Variants in COBL observed in about 807,000 individuals in gnomAD.
COBL encodes the protein cordon-bleu WH2 repeat protein.
A neutral mutation model predicts 98.8 loss-of-function variants in COBL; 51 were observed. The observed-to-expected ratio is 0.52, with a 90% CI of 0.41 to 0.65. The LOEUF (loss-of-function observed/expected upper bound fraction) is 0.65, where lower values mean the gene tolerates loss of function less well. Ranked by LOEUF, COBL falls within the 30% of genes least tolerant of loss-of-function variation. COBL has a pLI of 0.00. For synonymous variants in COBL, 634 were observed against 651.7 expected, an observed-to-expected ratio of 0.97 and a Z score of 0.41; for missense variants, 1,617 against 1,617.5, an observed-to-expected ratio of 1.00 and a Z score of 0.01.
chr7:51,204,832 A>C (rs370337334), intron 2 of COBL, among the ~76,000 whole-genome samples: 10 of 152,238 alleles, frequency 6.6e-5, no homozygotes, highest in African/African-American at 2.4e-4. Context: ...TACAGGTGTG[A>C]GCCACCACAC....
intron 8 of COBL, chr7:51,035,007 A>G (rs1345456607): frequency 6.6e-6 from 1 of 152,240 alleles, no homozygotes; most frequent in African/African-American, 2.4e-5. Context: ...AATATGAGGG[A>G]CACAGCTCAG....
intron 7 of COBL, among the ~76,000 whole-genome samples, chr7:51,065,869 T>C (rs1791871817): frequency 6.6e-6 from 1 of 152,200 alleles, no homozygotes; most frequent in Non-Finnish European, 1.5e-5. Context: ...ACAGGACTGG[T>C]GTCCTTATAA....
intron 6 of COBL, among the ~76,000 whole-genome samples, chr7:51,111,690 G>A (rs986851660): frequency 3.9e-5 from 6 of 152,176 alleles, no homozygotes; most frequent in Non-Finnish European, 8.8e-5. Context: ...GCCCCTGCAT[G>A]CTCCTTGACT....
In COBL at chr7:51,029,496, C is replaced by T. The variant is rs146340138; in HGVS notation, c.1600G>A (p.Gly534Ser). Residue 534 changes from glycine (G) to serine (S), a missense_variant, in exon 10 of 13, where the codon GGC becomes AGC. By Grantham distance (56) the Gly-to-Ser change is moderately conservative (BLOSUM62 0). This residue lies in a region of COBL where 1,304 missense variants were observed against 1,282.0 expected (regional missense o/e 1.02). Transcript: ENST00000265136. ...HCPQDAMIPH[G>S]DTDAIPVTFI... is the part of the protein sequence containing the mutation. ...GTTACTGGGATTGCATCTGTGTCGCCGTGAGGGATCATGGCATCCTGTGGG... is the reference window on the plus strand; with the variant it reads ...GTTACTGGGATTGCATCTGTGTCGCTGTGAGGGATCATGGCATCCTGTGGG... 2,056 of 1,614,102 alleles carry T rather than the reference C, an allele frequency of 1.3e-3. 13 individuals carry two copies. Among genetic ancestry groups the T allele is most frequent in the Middle Eastern group, 0.013 (76 of 6,062 alleles).
chr7:51,168,764 G>A (rs779973149), intron 5 of COBL, among the ~76,000 whole-genome samples: 5 of 152,120 alleles, frequency 3.3e-5, no homozygotes, highest in Non-Finnish European at 5.9e-5. Flanking sequence ...TCCCACTACT[G>A]GGTACATACC....
At chr7:51,277,329 T>G (rs762975574) in intron 1 of COBL, among the ~76,000 whole-genome samples, 1 of 152,160 alleles carries the variant, frequency 6.6e-6, no homozygotes, top group Admixed American at 6.5e-5. Flanking sequence ...CATGTGTGCA[T>G]GCAGAAGTGT....
At chr7:51,252,256 A>C (rs1796787198) in intron 1 of COBL, among the ~76,000 whole-genome samples, 2 of 152,212 alleles carry the variant, frequency 1.3e-5, no homozygotes, top group African/African-American at 4.8e-5. Context: ...ACAATTCAAT[A>C]TATTGTACAT....
intron 1 of COBL, 60 bp downstream of exon 1, chr7:51,316,533 G>A (rs1353103144): frequency 1.2e-5 from 14 of 1,168,036 alleles, no homozygotes; most frequent in Admixed American, 4.3e-5. Flanking sequence ...CGGTGCGGAC[G>A]CGGGCGTCCG....
intron 5 of COBL, among the ~76,000 whole-genome samples, chr7:51,180,414 G>A (rs570541984): frequency 2.6e-5 from 4 of 152,126 alleles, no homozygotes; most frequent in African/African-American, 4.8e-5. Context: ...AGGTATTACC[G>A]GCACAGTTAG....
intron 6 of COBL, among the ~76,000 whole-genome samples, chr7:51,102,061 A>G (rs1795855695): frequency 6.6e-6 from 1 of 152,146 alleles, no homozygotes; most frequent in Non-Finnish European, 1.5e-5. Context: ...TTGTCAGAAA[A>G]CCAGGAAGAG....
intron 5 of COBL, among the ~76,000 whole-genome samples, chr7:51,173,348 A>T (rs1584051544): frequency 6.6e-6 from 1 of 150,738 alleles, no homozygotes; most frequent in Non-Finnish European, 1.5e-5. Context: ...ACCAGGATAA[A>T]TTTTTTTGTA....
intron 6 of COBL, among the ~76,000 whole-genome samples, chr7:51,132,824 A>T (rs934739): frequency 1 from 152,028 of 152,114 alleles, 75,971 homozygotes; most frequent in Non-Finnish European, 1. Flanking sequence ...GGGAGCAAGG[A>T]CGGAGGGGCT....
intron 1 of COBL, among the ~76,000 whole-genome samples, chr7:51,290,553 T>C (rs1352509857): frequency 2.6e-5 from 4 of 152,078 alleles, no homozygotes; most frequent in African/African-American, 2.4e-5. Flanking sequence ...GAACAAAGGG[T>C]GCGTGAAAGA....
At chr7:51,059,416 C>G (rs954092327) in intron 7 of COBL, among the ~76,000 whole-genome samples, 6 of 152,130 alleles carry the variant, frequency 3.9e-5, no homozygotes, top group African/African-American at 1.4e-4. Context: ...TAAGTGAGGA[C>G]TTACTGTATA....
chr7:51,150,149 T>C (rs1187441060), intron 5 of COBL, among the ~76,000 whole-genome samples: 3 of 152,128 alleles, frequency 2.0e-5, no homozygotes, highest in Non-Finnish European at 4.4e-5. Context: ...CCCTCTGAGC[T>C]ACAGAACGAT....
At position 51,219,866 on chromosome 7, in the gene COBL, G is replaced by T. The variant is rs758218991; in HGVS notation, c.120C>A (p.Pro40=). The T allele has an allele frequency of 6.2e-7, 1 of 1,613,482 alleles. No individual in the cohort carries two copies. Among genetic ancestry groups the T allele is most frequent in the African/African-American group, 1.3e-5 (1 of 74,890 alleles). The change falls in exon 2 of 13, where the codon CCC becomes CCA. Residue 40 remains proline, a synonymous_variant. Transcript: ENST00000265136. ...TLHVHSDQKP[P]HDGALGSQQN... ...GCTGCGACCCGAGGGCCCCATCGTGGGGGGGCTTCTGGTCACTGTGCACAT... is the reference window on the plus strand; with the variant it reads ...GCTGCGACCCGAGGGCCCCATCGTGTGGGGGCTTCTGGTCACTGTGCACAT...
intron 1 of COBL, among the ~76,000 whole-genome samples, chr7:51,285,139 G>A (rs1427153889): frequency 1.3e-5 from 2 of 151,866 alleles, no homozygotes; most frequent in African/African-American, 2.4e-5. Flanking sequence ...TACAGACAGG[G>A]TTTCAACATC....
Position 51,065,388 on chromosome 7 carries a change from C to A in COBL, c.1096+19778G>T, listed in dbSNP as rs532262114. 32 of 703,400 alleles carry A rather than the reference C, an allele frequency of 4.5e-5. No homozygotes were observed. The East Asian group carries it at 8.0e-4, about 18-fold the overall frequency. The allele number at this position is 703,400 out of a possible 1,614,324, so 43.6% of individuals were successfully genotyped here. A position where few individuals can be genotyped will look rare whatever the true frequency, so the allele number is the denominator to read the frequency against. ...ACAGGGTTCTTGGCTTTGCTGTGCCCGGGGCTGTGGTATTCAGAAGCAAGC... is the reference window on the plus strand; with the variant it reads ...ACAGGGTTCTTGGCTTTGCTGTGCCAGGGGCTGTGGTATTCAGAAGCAAGC... On this transcript the variant is annotated intron_variant, in intron 7 of 12. Transcript: ENST00000265136.
intron 6 of COBL, among the ~76,000 whole-genome samples, chr7:51,130,208 G>A (rs1230570152): frequency 6.6e-6 from 1 of 152,114 alleles, no homozygotes; most frequent in Non-Finnish European, 1.5e-5. Context: ...GTAAACTGAA[G>A]GACTCTCTCT....
Sources: allele counts gnomAD v4.1 joint callset (sites outside exome capture counted in the v4.1 genomes callset), GRCh38; gene constraint gnomAD v4.1.1; regional missense constraint gnomAD v4.1.1; transcripts MANE v1.5; gene names NCBI Gene and HGNC (gene_info 2026-07-23, HGNC 2026-07-21).